CNTN1: variants seen among roughly 807,000 people sequenced by gnomAD.
The protein encoded by CNTN1 is contactin 1.
Under a neutral mutation model 126.4 loss-of-function variants are expected in CNTN1, and 38 were observed. The observed-to-expected ratio is 0.30, with a 90% CI of 0.23 to 0.39. CNTN1 has a LOEUF of 0.39. Among genes scored for constraint, CNTN1 ranks in the 10% least tolerant of loss-of-function variants. CNTN1 has a pLI of 1.00. For synonymous variants in CNTN1, 413 were observed against 422.6 expected (o/e 0.98, Z 0.28); for missense variants, 1,009 against 1,248.4 (o/e 0.81, Z 2.89).
At chr12:41,031,462 AC>A (rs1443108876) in intron 23 of CNTN1, among the ~76,000 whole-genome samples, 2 of 152,218 alleles carry the variant, frequency 1.3e-5, no homozygotes, top group Non-Finnish European at 2.9e-5. Context: ...AGTATTTACT[AC>A]ATTTGTTTTA....
chr12:41,049,202 A>G (rs1203063043), intron 23 of CNTN1, among the ~76,000 whole-genome samples: 1 of 152,198 alleles, frequency 6.6e-6, no homozygotes, highest in East Asian at 1.9e-4. Flanking sequence ...AGGACTCAGT[A>G]CGTCAGTAAT....
chr12:40,857,023 A>G (rs577241890), intron 1 of CNTN1, among the ~76,000 whole-genome samples: 1 of 152,280 alleles, frequency 6.6e-6, no homozygotes, highest in African/African-American at 2.4e-5. Context: ...AACTATTGAC[A>G]TACATATTAA....
chr12:41,027,796 G>A, intron 21 of CNTN1, 61 bp from the exon 22 acceptor site: 1 of 966,590 alleles, frequency 1.0e-6, no homozygotes, highest in Non-Finnish European at 1.7e-6. Flanking sequence ...TGATGCAATA[G>A]AGTATGCAGA....
chr12:41,043,185 A>G (rs1314520904), intron 23 of CNTN1, among the ~76,000 whole-genome samples: 1 of 152,208 alleles, frequency 6.6e-6, no homozygotes, highest in Non-Finnish European at 1.5e-5. Context: ...CTGCACAGCA[A>G]AAGAAACTAC....
At chr12:41,057,058 ATAT>A (rs553295895) in intron 23 of CNTN1, among the ~76,000 whole-genome samples, 79 of 123,980 alleles carry the variant, frequency 6.4e-4, no homozygotes, top group Middle Eastern at 5.3e-3. Flanking sequence ...ATATTTATAA[ATAT>A]TATAAATATT....
intron 20 of CNTN1, among the ~76,000 whole-genome samples, chr12:41,024,481 A>G (rs1948995014): frequency 6.6e-6 from 1 of 152,130 alleles, no homozygotes; most frequent in Admixed American, 6.5e-5. Context: ...GTAATCCTGT[A>G]ATTATTTGAC....
intron 1 of CNTN1, among the ~76,000 whole-genome samples, chr12:40,714,393 A>G (rs955837913): frequency 6.6e-6 from 1 of 152,116 alleles, no homozygotes; most frequent in Non-Finnish European, 1.5e-5. Flanking sequence ...CAACATAGGC[A>G]TGATTAAAAT....
rs138121813 is a variant in CNTN1, at chr12:41,025,270, G to A, written c.2644G>A (p.Gly882Arg). 7.1e-5 allele frequency: 114 copies of A among 1,613,862 alleles called. 1 individual carries two copies. The highest frequency in any genetic ancestry group is 5.4e-4 in the South Asian group (49 of 91,066). The change falls in exon 21 of 24, where the codon GGG becomes AGG. Residue 882 changes from glycine to arginine, a missense_variant. Coordinates refer to ENST00000551295, the MANE Select transcript of CNTN1 (RefSeq NM_001843.4). ...LPDTQYFIEV[G>R]ACNSAGCGPP... is the part of the protein sequence containing the mutation. ...AGACACCCAGTATTTTATAGAAGTCGGGGCCTGCAATAGTGCAGGGTGTGG... is the reference window on the plus strand; with the variant it reads ...AGACACCCAGTATTTTATAGAAGTCAGGGCCTGCAATAGTGCAGGGTGTGG...
chr12:41,010,612 T>A (rs556815925), intron 17 of CNTN1, among the ~76,000 whole-genome samples: 1 of 152,124 alleles, frequency 6.6e-6, no homozygotes, highest in East Asian at 1.9e-4. Context: ...TATTGGGAGG[T>A]GCCTTTTTAA....
chr12:40,736,164 C>A (rs997042503), intron 1 of CNTN1, among the ~76,000 whole-genome samples: 17 of 151,938 alleles, frequency 1.1e-4, no homozygotes, highest in African/African-American at 3.9e-4. Flanking sequence ...CACAGACACA[C>A]ATACAGAATC....
rs191449925 is a variant in CNTN1, at chr12:40,819,620, G to T, written c.-76-88737G>T. On this transcript the variant is annotated intron_variant, in intron 1 of 23. Transcript: ENST00000551295. ...GAGCTTAGCATGTTAGGCATTGTAG[G>T]TCCCAGTGCTGGCTGCTGTTCCTCC... Among the ~76,000 whole-genome samples, 3 of 152,290 alleles carry T rather than the reference G, an allele frequency of 2.0e-5. No homozygotes were observed. The East Asian group carries it at 5.8e-4, about 29-fold the overall frequency.
chr12:40,881,461 A>C (rs1943867454), intron 1 of CNTN1, among the ~76,000 whole-genome samples: 1 of 151,882 alleles, frequency 6.6e-6, no homozygotes, highest in South Asian at 2.1e-4. Context: ...CTATGGCCAG[A>C]GGTTCCTAAA....
chr12:40,911,226 A>G (rs568486349), intron 3 of CNTN1, among the ~76,000 whole-genome samples: 60 of 152,054 alleles, frequency 3.9e-4, no homozygotes, highest in Admixed American at 6.5e-4. Context: ...GACTACAGGC[A>G]CCCGCAACCA....
intron 23 of CNTN1, among the ~76,000 whole-genome samples, chr12:41,058,861 CAGACTAT>C (rs1316231584): frequency 6.6e-6 from 1 of 152,130 alleles, no homozygotes; most frequent in Non-Finnish European, 1.5e-5. Flanking sequence ...TTACACACTT[CAGACTAT>C]AGTTAAAATA....
At chr12:40,816,867 A>T (rs1487007376) in intron 1 of CNTN1, among the ~76,000 whole-genome samples, 1 of 152,178 alleles carries the variant, frequency 6.6e-6, no homozygotes, top group Non-Finnish European at 1.5e-5. Flanking sequence ...GGTTTCAAAT[A>T]ACTTCTTGAT....
intron 23 of CNTN1, among the ~76,000 whole-genome samples, chr12:41,066,525 A>G (rs17129014): frequency 0.017 from 2,594 of 152,310 alleles, 76 homozygotes; most frequent in African/African-American, 0.06. Flanking sequence ...TAATTTGGAT[A>G]TCATCTCTGT....
intron 1 of CNTN1, among the ~76,000 whole-genome samples, chr12:40,812,830 CATTT>C: frequency 6.6e-6 from 1 of 151,732 alleles, no homozygotes; most frequent in Non-Finnish European, 1.5e-5. Context: ...TTTTTCTGTT[CATTT>C]GTCTGTTTTA....
chr12:40,847,926 T>C (rs560023015), intron 1 of CNTN1, among the ~76,000 whole-genome samples: 1 of 152,324 alleles, frequency 6.6e-6, no homozygotes, highest in African/African-American at 2.4e-5. Flanking sequence ...GCGCACAATC[T>C]AGATCCTTTG....
intron 1 of CNTN1, among the ~76,000 whole-genome samples, chr12:40,773,594 C>A (rs1168820595): frequency 6.7e-6 from 1 of 148,166 alleles, no homozygotes; most frequent in Non-Finnish European, 1.5e-5. Flanking sequence ...CAGCATTCTT[C>A]ACTTTAAACA....
Sources: allele counts gnomAD v4.1 joint callset (sites outside exome capture counted in the v4.1 genomes callset), GRCh38; gene constraint gnomAD v4.1.1; transcripts MANE v1.5; gene names NCBI Gene and HGNC (gene_info 2026-07-23, HGNC 2026-07-21).